Variants in FAM178B observed in about 807,000 individuals in gnomAD.
FAM178B encodes the protein protein FAM178B.
Under a neutral mutation model 91.7 loss-of-function variants are expected in FAM178B, and 82 were observed. The ratio of observed to expected loss-of-function variants is 0.89; its 90% CI spans 0.75 to 1.07. The LOEUF is 1.07. FAM178B is among the 50% of genes least tolerant of loss of function. The pLI is 0.00. For missense variants in FAM178B, 769 were observed against 846.7 expected (o/e 0.91, Z 1.14); for synonymous variants, 368 against 359.4 (o/e 1.02, Z -0.27).
rs529817648 is a variant in FAM178B at position 96,951,012 on chromosome 2, G to A, written c.993+367C>T. Among the ~76,000 whole-genome samples, 31 of 152,280 alleles carry A rather than the reference G, an allele frequency of 2.0e-4. No homozygotes were observed. In the South Asian group the frequency reaches 6.4e-3, roughly 32 times the overall value. ...TTGTTGCATAGGAAGCACTTGTTGA[G>A]GGGCTTGGACCGATTCACTGAGAGG... On this transcript the variant is annotated intron_variant, in intron 7 of 16. Transcript: ENST00000490605.
chr2:96,921,769 G>A (rs932192945), intron 10 of FAM178B, 115 bp from the exon 11 acceptor site: 33 of 1,058,094 alleles, frequency 3.1e-5, no homozygotes, highest in Admixed American at 1.4e-4. Flanking sequence ...TGAGCCCCGC[G>A]GCCATGTTGG....
At chr2:96,962,610 G>A (rs921332005) in intron 5 of FAM178B, among the ~76,000 whole-genome samples, 9 of 152,158 alleles carry the variant, frequency 5.9e-5, no homozygotes, top group Non-Finnish European at 1.3e-4. Context: ...TCTAATTGGG[G>A]ATTTCCTGTG....
Position 96,947,819 on chromosome 2 carries a change from A to G in FAM178B, c.1077T>C (p.Pro359=). 6.5e-7 allele frequency: 1 copy of G among 1,533,584 alleles called. No individual in the cohort carries two copies. The highest frequency in any genetic ancestry group is 8.8e-7 in the Non-Finnish European group (1 of 1,130,712). 95.0% of individuals were successfully genotyped at this position (1,533,584 alleles called of 1,614,324 possible). A position where few individuals can be genotyped will look rare whatever the true frequency, so the allele number is the denominator to read the frequency against. Residue 359 remains proline, a splice_region_variant and synonymous_variant, in exon 8 of 17, where the codon CCT becomes CCC. Transcript: ENST00000490605. ...DLIVDGIFLQ[P]DEDKHLWCPS... is the part of the protein sequence containing the mutation. ...TCCACCCTGCATCCCAGTACTGACC[A>G]GGCTGAAGGAAGATTCCATCCACAA...
Position 96,876,086 on chromosome 2 carries a change from G to C in FAM178B, c.*190C>G. ...TCCCTTGCTGAGAGGAGAGGGGGTCGGGGCGGTGGCAGAGGCAGGCTCTTG... is the reference window on the plus strand; with the variant it reads ...TCCCTTGCTGAGAGGAGAGGGGGTCCGGGCGGTGGCAGAGGCAGGCTCTTG... On this transcript the variant is annotated 3_prime_UTR_variant, in exon 17 of 17. Coordinates refer to ENST00000490605, the MANE Select transcript of FAM178B (RefSeq NM_001122646.3). 1.7e-6 allele frequency: 1 copy of C among 605,690 alleles called. No individual in the cohort carries two copies. Among genetic ancestry groups the C allele is most frequent in the Non-Finnish European group, 2.9e-6 (1 of 343,276 alleles). 37.5% of individuals were successfully genotyped at this position (605,690 alleles called of 1,614,324 possible).
rs1036422442 is a variant in FAM178B, at chr2:96,889,583, C to T, written c.1776+4343G>A. Among the ~76,000 whole-genome samples the T allele has an allele frequency of 8.6e-5, 13 of 151,820 alleles. No homozygotes were observed. In the South Asian group the frequency reaches 2.3e-3, roughly 27 times the overall value. ...ATCTCAGCTACTTGGAAGGCTGAGG[C>T]AGGAGAATCGCTTGAACCTGGGAGG... On this transcript the variant is annotated intron_variant, in intron 14 of 16. Coordinates refer to ENST00000490605, the MANE Select transcript of FAM178B (RefSeq NM_001122646.3).
intron 8 of FAM178B, among the ~76,000 whole-genome samples, chr2:96,946,865 G>C (rs1319303506): frequency 6.6e-6 from 1 of 152,256 alleles, no homozygotes; most frequent in East Asian, 1.9e-4. Context: ...CTCGCTTAGA[G>C]GGCTCCATGG....
chr2:96,891,546 G>A lies in FAM178B; in HGVS notation c.1776+2380C>T, dbSNP rs541875679. Among the ~76,000 whole-genome samples the A allele has an allele frequency of 6.8e-4, 94 of 139,154 alleles. 1 individual carries two copies. Among genetic ancestry groups the A allele is most frequent in the Non-Finnish European group, 8.1e-4 (53 of 65,582 alleles). 91.3% of individuals were successfully genotyped at this position (139,154 alleles called of 152,430 possible). On this transcript the variant is annotated intron_variant, in intron 14 of 16. Transcript: ENST00000490605. ...TTCGTTCACCTAGTGCCAAATGTGG[G>A]ACGCAGTGCTAGAGACACTGCATGT...
intron 5 of FAM178B, among the ~76,000 whole-genome samples, chr2:96,962,338 A>G (rs1442560829): frequency 4.0e-5 from 6 of 151,540 alleles, no homozygotes; most frequent in African/African-American, 1.5e-4. Flanking sequence ...CTGAGGCAGG[A>G]GAATTGCTTG....
intron 16 of FAM178B, chr2:96,877,677 G>A (rs2080278618): frequency 1.7e-6 from 1 of 576,992 alleles, no homozygotes; most frequent in East Asian, 2.9e-5. Flanking sequence ...TTACAGGCGT[G>A]AGCTACCACG....
intron 5 of FAM178B, 27 bp from the exon 6 acceptor site, chr2:96,960,467 G>A (rs1440947281): frequency 1.6e-5 from 25 of 1,515,754 alleles, no homozygotes; most frequent in South Asian, 2.5e-5. Flanking sequence ...CAGGAGGGCC[G>A]GGCATCAGCA....
intron 13 of FAM178B, among the ~76,000 whole-genome samples, chr2:96,901,029 C>G (rs948311596): frequency 1.3e-5 from 2 of 152,120 alleles, no homozygotes; most frequent in Admixed American, 1.3e-4. Flanking sequence ...GAGGTGCGGG[C>G]GCGCTCAACC....
Position 96,876,064 on chromosome 2 carries a change from C to A in FAM178B, c.*212G>T, listed in dbSNP as rs898700524. On this transcript the variant is annotated 3_prime_UTR_variant, in exon 17 of 17. Transcript: ENST00000490605. Reference sequence around the variant, plus strand: ...GTGGGCGAGGCAGAGAGGCCCATCCCTTGCTGAGAGGAGAGGGGGTCGGGG... The same window carrying A: ...GTGGGCGAGGCAGAGAGGCCCATCCATTGCTGAGAGGAGAGGGGGTCGGGG... The A allele has an allele frequency of 1.7e-6, 1 of 586,326 alleles. No homozygotes were observed. The highest frequency in any genetic ancestry group is 3.0e-6 in the Non-Finnish European group (1 of 329,772). 36.3% of individuals were successfully genotyped at this position (586,326 alleles called of 1,614,324 possible). A position where few individuals can be genotyped will look rare whatever the true frequency, so the allele number is the denominator to read the frequency against.
At chr2:96,893,813 C>A in intron 14 of FAM178B, 113 bp downstream of exon 14, 1 of 1,334,060 alleles carries the variant, frequency 7.5e-7, no homozygotes, top group Non-Finnish European at 1.0e-6. Flanking sequence ...TGGCATGGCC[C>A]TGGGGTTCTG....
At chr2:96,956,311 CCTGGG>C (rs2081998972) in intron 6 of FAM178B, among the ~76,000 whole-genome samples, 1 of 152,104 alleles carries the variant, frequency 6.6e-6, no homozygotes, top group Non-Finnish European at 1.5e-5. Context: ...GGGGACTGAC[CCTGGG>C]ATGCACAGCT....
intron 13 of FAM178B, among the ~76,000 whole-genome samples, chr2:96,899,406 C>T (rs932868376): frequency 7.2e-5 from 11 of 152,160 alleles, no homozygotes; most frequent in African/African-American, 2.4e-4. Context: ...GGTTGCTCAG[C>T]TAGTGTCTAA....
In FAM178B at chr2:96,960,368, C is replaced by A; in HGVS notation, c.807G>T (p.Leu269=). The part of the protein sequence containing the change: ...PPVHPGETVF[L]PRCHPLPCIL... ...TGCATGGCAGGGGGTGACACCTGGG[C>A]AGAAACACAGTCTCACCTGGATGGA... Residue 269 remains leucine (L), a synonymous_variant, in exon 6 of 17, where the codon CTG becomes CTT. Coordinates refer to ENST00000490605, the MANE Select transcript of FAM178B (RefSeq NM_001122646.3). 6 of 1,551,868 alleles carry A rather than the reference C, an allele frequency of 3.9e-6. No individual in the cohort carries two copies. The highest frequency in any genetic ancestry group is 4.4e-6 in the Non-Finnish European group (5 of 1,147,018).
intron 13 of FAM178B, among the ~76,000 whole-genome samples, chr2:96,899,276 C>T (rs2080881276): frequency 6.6e-6 from 1 of 152,236 alleles, no homozygotes; most frequent in Non-Finnish European, 1.5e-5. Flanking sequence ...TAGCAGCTGC[C>T]GCACTGTGCC....
At chr2:96,908,938 T>A (rs2081103490) in intron 12 of FAM178B, among the ~76,000 whole-genome samples, 2 of 151,748 alleles carry the variant, frequency 1.3e-5, no homozygotes, top group South Asian at 4.2e-4. Context: ...CTGAGGTCAG[T>A]TCGAGACCAG....
At chr2:96,895,175 T>C in intron 13 of FAM178B, 2 of 1,188,602 alleles carry the variant, frequency 1.7e-6, no homozygotes, top group African/African-American at 1.6e-5. Flanking sequence ...ATACATCGTA[T>C]CGTTTTACCC....
Sources: allele counts gnomAD v4.1 joint callset (sites outside exome capture counted in the v4.1 genomes callset), GRCh38; gene constraint gnomAD v4.1.1; transcripts MANE v1.5; gene names NCBI Gene and HGNC (gene_info 2026-07-23, HGNC 2026-07-21).